SAE1: variants seen among roughly 807,000 people sequenced by gnomAD.
SAE1 encodes SUMO-activating enzyme subunit 1.
SAE1 carries 11 observed loss-of-function variants against 40.6 expected under a neutral mutation model. That is an observed-to-expected ratio of 0.27 (90% confidence interval 0.17 to 0.45). The LOEUF is 0.45. Among genes scored for constraint, SAE1 ranks in the 20% least tolerant of loss-of-function variants. SAE1 has a pLI of 1.00. For synonymous variants in SAE1, 155 were observed against 154.3 expected (o/e 1.00, Z -0.03); for missense variants, 373 against 427.3 (o/e 0.87, Z 1.12).
intron 1 of SAE1, among the ~76,000 whole-genome samples, chr19:47,136,640 C>T (rs931697288): frequency 7.9e-5 from 12 of 152,026 alleles, no homozygotes; most frequent in African/African-American, 2.9e-4. Flanking sequence ...GGATTACAGG[C>T]GTGTGCCACC....
chr19:47,142,830 C>G (rs1269204462), intron 1 of SAE1, among the ~76,000 whole-genome samples: 1 of 152,166 alleles, frequency 6.6e-6, no homozygotes, highest in East Asian at 1.9e-4. Context: ...TGATTTCTGT[C>G]TCAAATAGCG....
intron 5 of SAE1, 22 bp from the exon 6 acceptor site, chr19:47,169,796 C>T: frequency 6.7e-7 from 1 of 1,500,478 alleles, no homozygotes; most frequent in South Asian, 1.1e-5. Flanking sequence ...TATTCCTAAG[C>T]AGTTCTGCCT....
chr19:47,172,166 G>T (rs947508362), intron 6 of SAE1, among the ~76,000 whole-genome samples: 1 of 152,162 alleles, frequency 6.6e-6, no homozygotes, highest in African/African-American at 2.4e-5. Flanking sequence ...TGATCCACCT[G>T]CCTCGGCCTC....
chr19:47,133,492 T>C (rs1188577775), intron 1 of SAE1, among the ~76,000 whole-genome samples: 1 of 152,194 alleles, frequency 6.6e-6, no homozygotes, highest in African/African-American at 2.4e-5. Flanking sequence ...CCCAAAGTGC[T>C]GTGATTACAG....
chr19:47,163,331 T>C (rs888277898), intron 5 of SAE1, among the ~76,000 whole-genome samples: 4 of 152,068 alleles, frequency 2.6e-5, no homozygotes, highest in African/African-American at 9.7e-5. Context: ...GTACCAAACA[T>C]GTACAGACTT....
At chr19:47,190,153 A>G (rs1359081459) in intron 6 of SAE1, among the ~76,000 whole-genome samples, 4 of 152,164 alleles carry the variant, frequency 2.6e-5, no homozygotes, top group Admixed American at 6.5e-5. Flanking sequence ...CAGCATCCTG[A>G]GTTAATTAAA....
At chr19:47,192,017 G>A (rs1000024363) in intron 6 of SAE1, among the ~76,000 whole-genome samples, 9 of 149,558 alleles carry the variant, frequency 6.0e-5, no homozygotes, top group South Asian at 2.1e-4. Context: ...TCGCGCCACC[G>A]CACTCCAGCC....
At chr19:47,179,513 AAG>A (rs2058493108) in intron 6 of SAE1, among the ~76,000 whole-genome samples, 2 of 151,988 alleles carry the variant, frequency 1.3e-5, no homozygotes, top group African/African-American at 4.8e-5. Flanking sequence ...AAAAAAAAAA[AAG>A]AAAAACTCTA....
At chr19:47,150,118 T>A in intron 2 of SAE1, 84 bp from the exon 3 acceptor site, 3 of 898,054 alleles carry the variant, frequency 3.3e-6, no homozygotes, top group Non-Finnish European at 4.8e-6. Context: ...GTATTTTAGC[T>A]ATCCTTTAAA....
At chr19:47,171,222 C>A (rs545600557) in intron 6 of SAE1, among the ~76,000 whole-genome samples, 1 of 152,082 alleles carries the variant, frequency 6.6e-6, no homozygotes, top group Non-Finnish European at 1.5e-5. Context: ...ATCCGCCCAC[C>A]TCAGCCCCCC....
intron 7 of SAE1, 63 bp from the exon 8 acceptor site, chr19:47,203,608 C>T: frequency 6.8e-7 from 1 of 1,476,948 alleles, no homozygotes; most frequent in Non-Finnish European, 9.5e-7. Flanking sequence ...CTGAATTTCT[C>T]CAGATGTCAT....
intron 1 of SAE1, among the ~76,000 whole-genome samples, chr19:47,138,878 G>A (rs76278517): frequency 4.6e-5 from 7 of 152,238 alleles, no homozygotes; most frequent in Admixed American, 6.5e-5. Flanking sequence ...AGCATAATTC[G>A]AGATAGAAGA....
chr19:47,137,703 T>TTGTGTGTGTG (rs35991953), intron 1 of SAE1, among the ~76,000 whole-genome samples: 7 of 135,036 alleles, frequency 5.2e-5, no homozygotes, highest in African/African-American at 1.9e-4. Flanking sequence ...ACTCAGCTGA[T>TTGTGTGTGTG]TGTGTGTGTG....
intron 5 of SAE1, among the ~76,000 whole-genome samples, chr19:47,169,498 G>A (rs1038280496): frequency 1.2e-4 from 19 of 152,078 alleles, no homozygotes; most frequent in African/African-American, 4.1e-4. Context: ...CGCCTGCCTC[G>A]GTCTCCAAAG....
In SAE1 at chr19:47,150,206, C is replaced by G; in HGVS notation, c.215C>G (p.Thr72Ser). 1 of 1,582,608 alleles carries G rather than the reference C, an allele frequency of 6.3e-7. No individual in the cohort carries two copies. The highest frequency in any genetic ancestry group is 8.6e-7 in the Non-Finnish European group (1 of 1,167,204). ...GLTMLDHEQV[T>S]PEDPGAQFLI... is the part of the protein sequence containing the mutation. ...AAATATGTGTATTATTCCTAGGTAA[C>G]TCCAGAAGATCCCGGAGCTCAGTTC... Residue 72 changes from threonine to serine, a missense_variant, in exon 3 of 9, where the codon ACT becomes AGT. Thr to Ser is a moderately conservative substitution (Grantham distance 58). Transcript: ENST00000270225.
At chr19:47,165,183 G>A (rs551054446) in intron 5 of SAE1, among the ~76,000 whole-genome samples, 1 of 143,240 alleles carries the variant, frequency 7.0e-6, no homozygotes, top group South Asian at 2.2e-4. Flanking sequence ...TCAGCCTCCT[G>A]GGTTCAAGCG....
intron 1 of SAE1, among the ~76,000 whole-genome samples, chr19:47,139,934 TTC>T (rs1345535239): frequency 1.4e-5 from 2 of 143,486 alleles, no homozygotes; most frequent in Admixed American, 7.4e-5. Flanking sequence ...ACTTGGGTAT[TTC>T]TTTTTTTTTT....
chr19:47,136,489 C>T (rs970655824), intron 1 of SAE1, among the ~76,000 whole-genome samples: 29 of 135,598 alleles, frequency 2.1e-4, no homozygotes, highest in South Asian at 4.6e-4. Flanking sequence ...CATTTTTACC[C>T]GAGTCTTTTT....
chr19:47,140,603 A>G (rs2058215067), intron 1 of SAE1, among the ~76,000 whole-genome samples: 1 of 148,372 alleles, frequency 6.7e-6, no homozygotes, highest in Non-Finnish European at 1.5e-5. Flanking sequence ...CCTGGGCAAC[A>G]TAGTGAGACC....
Sources: gnomAD v4.1 joint callset for allele counts (sites outside exome capture counted in the v4.1 genomes callset) on GRCh38, gnomAD v4.1.1 for gene constraint, MANE v1.5 for transcripts, NCBI Gene and HGNC (gene_info 2026-07-23, HGNC 2026-07-21) for gene names.